MAN2A1: variants seen among roughly 807,000 people sequenced by gnomAD.
The protein encoded by MAN2A1 is mannosidase alpha class 2A member 1, also known as alpha-mannosidase 2.
A neutral mutation model predicts 142.6 loss-of-function variants in MAN2A1; 76 were observed. The ratio of observed to expected loss-of-function variants is 0.53; its 90% confidence interval spans 0.44 to 0.65. MAN2A1 has a LOEUF of 0.65. Ranked by LOEUF, MAN2A1 falls within the 30% of genes least tolerant of loss-of-function variation. MAN2A1 has a pLI of 0.00. For missense variants in MAN2A1, 1,311 were observed against 1,365.1 expected (o/e 0.96, Z 0.62); for synonymous variants, 559 against 473.2 (o/e 1.18, Z -2.35).
In MAN2A1 at chr5:109,729,440, A is replaced by T. The variant is rs761411796; in HGVS notation, c.634A>T (p.Ile212Phe). ...KLKEDSRRKF[I>F]WSEISYLSKW... ...GAAAGAAGACTCACGGAGGAAGTTT[A>T]TTTGGTCTGAGATCTCTTACCTTTC... is the stretch of plus-strand genomic sequence containing the variant. The change falls in exon 4 of 22, where the codon ATT becomes TTT. Residue 212 changes from isoleucine (I) to phenylalanine (F), a missense_variant. Around this residue, in one of 3 missense-constraint regions of MAN2A1, gnomAD observed 409 missense variants for 412.7 expected, o/e 0.99. Coordinates refer to ENST00000261483, the MANE Select transcript of MAN2A1 (RefSeq NM_002372.4). 1.2e-6 allele frequency: 2 copies of T among 1,604,318 alleles called. No individual in the cohort carries two copies. Among genetic ancestry groups the T allele is most frequent in the Non-Finnish European group, 1.7e-6 (2 of 1,173,998 alleles).
intron 20 of MAN2A1, chr5:109,864,808 C>G: frequency 2.1e-6 from 1 of 472,980 alleles, no homozygotes; most frequent in Non-Finnish European, 3.8e-6. Flanking sequence ...CATGAGGTTA[C>G]CTAACAAGGA....
At chr5:109,822,161 TG>T (rs1754642659) in intron 15 of MAN2A1, among the ~76,000 whole-genome samples, 1 of 150,714 alleles carries the variant, frequency 6.6e-6, no homozygotes, top group African/African-American at 2.4e-5. Context: ...TTTGGCTGTT[TG>T]GGGTTTTTCT....
chr5:109,833,892 G>A (rs1754995298), intron 16 of MAN2A1, among the ~76,000 whole-genome samples: 1 of 152,182 alleles, frequency 6.6e-6, no homozygotes, highest in Non-Finnish European at 1.5e-5. Context: ...GCAAGCAATT[G>A]GAAACCATGT....
intron 8 of MAN2A1, among the ~76,000 whole-genome samples, chr5:109,778,508 A>C (rs1390952614): frequency 6.6e-6 from 1 of 151,956 alleles, no homozygotes; most frequent in East Asian, 1.9e-4. Context: ...AGATTATGGA[A>C]TTTTCCTTAT....
chr5:109,773,804 T>G (rs779748021), intron 7 of MAN2A1, among the ~76,000 whole-genome samples: 1 of 152,188 alleles, frequency 6.6e-6, no homozygotes, highest in African/African-American at 2.4e-5. Flanking sequence ...TTGAGATACT[T>G]TCGTAAGTTT....
chr5:109,856,276 T>A (rs1755603896), intron 20 of MAN2A1, among the ~76,000 whole-genome samples: 1 of 152,180 alleles, frequency 6.6e-6, no homozygotes, highest in Non-Finnish European at 1.5e-5. Flanking sequence ...ATGCTATACC[T>A]GTCACTTGGG....
At chr5:109,801,393 C>G (rs942455115) in intron 12 of MAN2A1, among the ~76,000 whole-genome samples, 2 of 152,178 alleles carry the variant, frequency 1.3e-5, no homozygotes, top group African/African-American at 4.8e-5. Context: ...TACTGGAATT[C>G]TAATTACATG....
intron 11 of MAN2A1, 95 bp downstream of exon 11, chr5:109,789,143 G>C (rs1753675049): frequency 4.7e-6 from 3 of 639,446 alleles, no homozygotes; most frequent in African/African-American, 3.8e-5. Flanking sequence ...AAAAGACATT[G>C]AAATATAATT....
At chr5:109,845,200 G>C (rs757442880) in intron 17 of MAN2A1, among the ~76,000 whole-genome samples, 43 of 152,230 alleles carry the variant, frequency 2.8e-4, no homozygotes, top group African/African-American at 1.0e-3. Flanking sequence ...TCTGAGCTTA[G>C]AGTCAGTCAC....
intron 8 of MAN2A1, among the ~76,000 whole-genome samples, chr5:109,777,439 T>C (rs1370273232): frequency 2.0e-5 from 3 of 152,124 alleles, no homozygotes; most frequent in Admixed American, 2.0e-4. Context: ...TTACTGTTTA[T>C]AGCTCTTTGG....
intron 1 of MAN2A1, among the ~76,000 whole-genome samples, chr5:109,712,847 C>T (rs575367782): frequency 1.3e-5 from 2 of 152,216 alleles, no homozygotes; most frequent in African/African-American, 4.8e-5. Flanking sequence ...TAAAGATTGT[C>T]CCTGCTCTCA....
intron 12 of MAN2A1, 92 bp from the exon 13 acceptor site, chr5:109,817,181 T>TATGTATATGTATATGTATATCTAC (rs1288253316): frequency 2.1e-5 from 5 of 239,008 alleles, no homozygotes; most frequent in African/African-American, 1.1e-4. Context: ...TATATATGTA[T>TATGTATATGTATATGTATATCTAC]ATGTATATGT....
chr5:109,769,922 T>C (rs1053114086), intron 6 of MAN2A1, among the ~76,000 whole-genome samples: 19 of 152,286 alleles, frequency 1.2e-4, no homozygotes, highest in East Asian at 1.9e-4. Context: ...CCTTTTTTAC[T>C]CCGTTCTTCT....
intron 12 of MAN2A1, among the ~76,000 whole-genome samples, chr5:109,791,403 C>T (rs891314048): frequency 1.6e-4 from 24 of 151,964 alleles, no homozygotes; most frequent in African/African-American, 5.8e-4. Context: ...TGATAGTGGC[C>T]TTTAAAATGG....
chr5:109,720,244 C>A (rs1751563497), intron 3 of MAN2A1, among the ~76,000 whole-genome samples: 1 of 152,164 alleles, frequency 6.6e-6, no homozygotes, highest in East Asian at 1.9e-4. Flanking sequence ...AAAATAATCC[C>A]CCTTGTGGTA....
intron 5 of MAN2A1, among the ~76,000 whole-genome samples, chr5:109,758,145 G>A (rs1752739933): frequency 6.6e-6 from 1 of 152,086 alleles, no homozygotes; most frequent in East Asian, 1.9e-4. Flanking sequence ...CACCAGCAAT[G>A]TGTGAGGTTT....
At chr5:109,778,449 A>G (rs768919250) in intron 8 of MAN2A1, among the ~76,000 whole-genome samples, 35 of 152,118 alleles carry the variant, frequency 2.3e-4, no homozygotes, top group Non-Finnish European at 2.5e-4. Context: ...GAGAGAAAAC[A>G]TTCGTTAGTC....
chr5:109,759,160 C>T (rs1217298656), intron 5 of MAN2A1, among the ~76,000 whole-genome samples: 1 of 151,992 alleles, frequency 6.6e-6, no homozygotes, highest in Non-Finnish European at 1.5e-5. Context: ...GGAATATTGC[C>T]GTTTTAACAA....
chr5:109,696,335 G>A (rs906200960), intron 1 of MAN2A1, among the ~76,000 whole-genome samples: 1 of 152,148 alleles, frequency 6.6e-6, no homozygotes, highest in African/African-American at 2.4e-5. Context: ...TCCTGATCTC[G>A]TGATCTGCCC....
Sources: gnomAD v4.1 joint callset for allele counts (sites outside exome capture counted in the v4.1 genomes callset) on GRCh38, gnomAD v4.1.1 for gene constraint, gnomAD v4.1.1 regional missense constraint, MANE v1.5 for transcripts, NCBI Gene and HGNC (gene_info 2026-07-23, HGNC 2026-07-21) for gene names.